The following IQSEC1 variants were observed in gnomAD, a reference collection of about 807,000 sequenced individuals.
IQSEC1 encodes the protein IQ motif and Sec7 domain ArfGEF 1.
A neutral mutation model predicts 91.0 loss-of-function variants in IQSEC1; 31 were observed. The ratio of observed to expected loss-of-function variants is 0.34; its 90% CI spans 0.26 to 0.46. The LOEUF (loss-of-function observed/expected upper bound fraction) is 0.46, where lower values mean the gene tolerates loss of function less well. Ranked by LOEUF, IQSEC1 falls within the 20% of genes least tolerant of loss-of-function variation. IQSEC1 has a pLI of 1.00. For missense variants in IQSEC1, 1,388 were observed against 1,575.6 expected (o/e 0.88, Z 2.02); for synonymous variants, 699 against 662.6 (o/e 1.05, Z -0.84).
In IQSEC1 at chr3:12,983,188, G is replaced by A. The variant is rs868571615; in HGVS notation, c.24-41323C>T. Among the ~76,000 whole-genome samples, 6 of 152,316 alleles carry A rather than the reference G, an allele frequency of 3.9e-5. No individual in the cohort carries two copies. Among genetic ancestry groups the A allele is most frequent in the Middle Eastern group, 3.4e-3 (1 of 294 alleles). ...AGCTGCATAATCCAGATCTGAACTG[G>A]GTGCTCCAGCTCCAGCACCTAAGCC... On this transcript the variant is annotated intron_variant, in intron 1 of 13. Transcript: ENST00000613206. The surrounding 1 kb of genome is among the most constrained non-coding windows in gnomAD (Gnocchi z 4.3).
chr3:13,133,128 C>A (rs1033358299), intron 2 of IQSEC1, among the ~76,000 whole-genome samples: 1 of 152,204 alleles, frequency 6.6e-6, no homozygotes, highest in East Asian at 1.9e-4. Flanking sequence ...GCTAGAGGGG[C>A]CATTCCCATC....
chr3:13,273,412 TGTTTCAAGAACTCCCC>T (rs1287278979), intron 1 of IQSEC1, among the ~76,000 whole-genome samples: 2 of 152,172 alleles, frequency 1.3e-5, no homozygotes, highest in African/African-American at 4.8e-5. Flanking sequence ...CCTCACTCCC[TGTTTCAAGAACTCCCC>T]GTTTCAAGAA....
intron 1 of IQSEC1, 55 bp from the exon 2 acceptor site, chr3:12,941,920 C>T (rs1698790646): frequency 2.0e-6 from 3 of 1,480,086 alleles, no homozygotes; most frequent in Non-Finnish European, 9.1e-7. Flanking sequence ...CTGAACACGA[C>T]ACCGGGCCGT....
chr3:13,021,961 T>C lies in IQSEC1; in HGVS notation c.23+51031A>G. ...TCCATCCCAGCTCCTTCCTGGACCC[T>C]GTACAGCCATGCAAACCATCCGGCC... On this transcript the variant is annotated intron_variant, in intron 1 of 13. Transcript: ENST00000613206. The C allele has an allele frequency of 2.9e-6, 3 of 1,043,404 alleles. No individual in the cohort carries two copies. The South Asian group carries it at 1.5e-4, about 51-fold the overall frequency. 64.6% of individuals were successfully genotyped at this position (1,043,404 alleles called of 1,614,324 possible). A position where few individuals can be genotyped will look rare whatever the true frequency, so the allele number is the denominator to read the frequency against.
At chr3:12,919,763 G>C (rs1696441731) in intron 6 of IQSEC1, among the ~76,000 whole-genome samples, 1 of 152,208 alleles carries the variant, frequency 6.6e-6, no homozygotes. Context: ...CTTCCTTCCG[G>C]GGACCCTGGG....
At chr3:13,234,537 C>G (rs1277930788) in intron 1 of IQSEC1, among the ~76,000 whole-genome samples, 1 of 152,194 alleles carries the variant, frequency 6.6e-6, no homozygotes, top group East Asian at 1.9e-4. Flanking sequence ...CCCCCCTACC[C>G]CATGTCATCT....
chr3:13,264,948 CTCTG>C (rs1265717006), intron 1 of IQSEC1, among the ~76,000 whole-genome samples: 2 of 152,020 alleles, frequency 1.3e-5, no homozygotes, highest in Non-Finnish European at 2.9e-5. Flanking sequence ...CTCTGTGTCT[CTCTG>C]TCTGTCTGTC....
intron 1 of IQSEC1, among the ~76,000 whole-genome samples, chr3:12,977,934 C>G (rs947048186): frequency 7.2e-5 from 11 of 152,186 alleles, no homozygotes; most frequent in Non-Finnish European, 1.3e-4. Context: ...ATAAATCTGT[C>G]ATTGAGAATG....
intron 2 of IQSEC1, among the ~76,000 whole-genome samples, chr3:13,106,029 G>A (rs1325858862): frequency 2.0e-5 from 3 of 152,196 alleles, no homozygotes; most frequent in East Asian, 1.9e-4. Flanking sequence ...TTAGAGGAGC[G>A]CTATGATGGA....
rs201745665 is a variant in IQSEC1, at chr3:12,902,658, CAAAAAAAAAACCAAAAAAAAAAAAAA to C, written c.2805+89_2805+114del. ...AAGGAAAAGCCAAAAAAAAAAACAA[CAAAAAAAAAACCAAAAAAAAAAAAAA>C]AAAAAAAAAACCAGGACAACAGATA... On this transcript the variant is annotated intron_variant, in intron 13 of 13. Transcript: ENST00000613206. 1.6e-3 allele frequency: 443 copies of C among 268,670 alleles called. 3 individuals are homozygous for C. The East Asian group carries it at 0.025, about 15-fold the overall frequency. 16.6% of individuals were successfully genotyped at this position (268,670 alleles called of 1,614,324 possible).
chr3:13,141,382 T>C (rs1229118606), intron 2 of IQSEC1, among the ~76,000 whole-genome samples: 1 of 152,244 alleles, frequency 6.6e-6, no homozygotes, highest in Non-Finnish European at 1.5e-5. Context: ...AGCAGCCGCA[T>C]GCCAGCAGCT....
At chr3:13,194,555 C>G (rs569126992) in intron 1 of IQSEC1, among the ~76,000 whole-genome samples, 3 of 152,306 alleles carry the variant, frequency 2.0e-5, no homozygotes, top group Admixed American at 1.3e-4. Flanking sequence ...TTTCCACCCC[C>G]CTTCTCAGAG....
rs796824695 is a variant in IQSEC1 at position 13,211,281 on chromosome 3, G to C, written c.273-47148C>G. 6.6e-6 allele frequency among the ~76,000 whole-genome samples: 1 copy of C among 152,220 alleles called. No individual in the cohort carries two copies. The highest frequency in any genetic ancestry group is 1.5e-5 in the Non-Finnish European group (1 of 68,030). ...CCACCTCCTCGACAGCAATGAACAT[G>C]AAAGGCCTTCTTGGCAGCGAGCTCT... is the stretch of plus-strand genomic sequence containing the variant. On this transcript the variant is annotated intron_variant, in intron 1 of 15. Transcript: ENST00000648114. This position sits in a 1 kb window ranked among gnomAD's most constrained non-coding sequence, Gnocchi z 5.3.
chr3:13,237,231 TG>T (rs1694946224), intron 1 of IQSEC1, among the ~76,000 whole-genome samples: 1 of 152,190 alleles, frequency 6.6e-6, no homozygotes, highest in African/African-American at 2.4e-5. Context: ...CCTTTCTGTG[TG>T]GATGGGATGA....
chr3:13,068,279 A>G (rs1337736459), intron 1 of IQSEC1, among the ~76,000 whole-genome samples: 2 of 152,218 alleles, frequency 1.3e-5, no homozygotes, highest in African/African-American at 4.8e-5. Context: ...GCCTAAGCAG[A>G]CGCTACTTGT....
intron 1 of IQSEC1, among the ~76,000 whole-genome samples, chr3:13,244,540 G>A (rs1695076363): frequency 6.6e-6 from 1 of 152,160 alleles, no homozygotes; most frequent in African/African-American, 2.4e-5. Flanking sequence ...GGTCCACTGA[G>A]CTCCAAATAA....
intron 1 of IQSEC1, among the ~76,000 whole-genome samples, chr3:13,054,479 C>T (rs185141881): frequency 2.6e-5 from 4 of 152,378 alleles, no homozygotes; most frequent in African/African-American, 7.2e-5. Context: ...TTGGTGTCCA[C>T]AGCCGAGCTA....
chr3:13,073,114 G>A lies in IQSEC1; in HGVS notation c.-100C>T. The stretch of plus-strand genomic sequence containing the variant: ...GGCGGCTCAGGCAAGAAGTGGAGGG[G>A]AATAAAATTAAATCGCGGGGCGAGT... On this transcript the variant is annotated 5_prime_UTR_variant, in exon 1 of 14. Coordinates refer to ENST00000613206, the MANE Select transcript of IQSEC1 (RefSeq NM_001134382.3). 1 of 1,299,188 alleles carries A rather than the reference G, an allele frequency of 7.7e-7. No homozygotes were observed. The highest frequency in any genetic ancestry group is 1.3e-5 in the South Asian group (1 of 79,818). 80.5% of individuals were successfully genotyped at this position (1,299,188 alleles called of 1,614,324 possible).
chr3:13,180,226 G>T (rs866788527), intron 1 of IQSEC1, among the ~76,000 whole-genome samples: 85 of 145,242 alleles, frequency 5.9e-4, no homozygotes, highest in African/African-American at 2.4e-3. Context: ...CTAAGGGATT[G>T]TAAATACACC....
Sources: allele counts gnomAD v4.1 joint callset (sites outside exome capture counted in the v4.1 genomes callset), GRCh38; gene constraint gnomAD v4.1.1; non-coding constraint Gnocchi (gnomAD v3.1); transcripts MANE v1.5; gene names NCBI Gene and HGNC (gene_info 2026-07-23, HGNC 2026-07-21).